KLHL22: variants seen among roughly 807,000 people sequenced by gnomAD.
KLHL22 encodes the protein kelch like family member 22.
In KLHL22, 18 loss-of-function variants were observed where a neutral mutation model predicts 60.7. That is an observed-to-expected ratio of 0.30 (90% confidence interval 0.20 to 0.44). The LOEUF is 0.44. Among genes scored for constraint, KLHL22 ranks in the 20% least tolerant of loss-of-function variants. KLHL22 has a pLI of 1.00. For synonymous variants in KLHL22, 355 were observed against 354.5 expected (o/e 1.00, Z -0.01); for missense variants, 596 against 852.3 (o/e 0.70, Z 3.74).
chr22:20,480,577 C>T (rs965166087), intron 2 of KLHL22, among the ~76,000 whole-genome samples: 15 of 152,140 alleles, frequency 9.9e-5, no homozygotes, highest in South Asian at 2.1e-4. Flanking sequence ...TTCAGGTCCT[C>T]GATCCCTTGT....
In KLHL22 at chr22:20,479,925, A is replaced by G. The variant is rs552579109; in HGVS notation, c.228-8410T>C. On this transcript the variant is annotated intron_variant, in intron 2 of 6. Transcript: ENST00000328879. ...CCATGTTCATAGCAGCATTATACACAATAGACAAGAGATGGAAGCAAACCA... is the reference window on the plus strand; with the variant it reads ...CCATGTTCATAGCAGCATTATACACGATAGACAAGAGATGGAAGCAAACCA... 3.9e-4 allele frequency among the ~76,000 whole-genome samples: 60 copies of G among 152,342 alleles called. 1 individual carries two copies. In the South Asian group the frequency reaches 0.011, roughly 27 times the overall value.
chr22:20,446,745 G>A lies in KLHL22; in HGVS notation c.1306-69C>T. On this transcript the variant is annotated intron_variant, in intron 5 of 6. Transcript: ENST00000328879. ...GAAGGGTGGCTGGGTACTCTGTCAA[G>A]GCCAATCACCACCCCACACCTGCCT... is the stretch of plus-strand genomic sequence containing the variant. The A allele has an allele frequency of 3.3e-6, 4 of 1,213,614 alleles. No individual in the cohort carries two copies. In the South Asian group the frequency reaches 4.9e-5, roughly 15 times the overall value. 75.2% of individuals were successfully genotyped at this position (1,213,614 alleles called of 1,614,324 possible). A position where few individuals can be genotyped will look rare whatever the true frequency, so the allele number is the denominator to read the frequency against.
At chr22:20,484,281 C>T (rs1450682955) in intron 2 of KLHL22, among the ~76,000 whole-genome samples, 1 of 152,126 alleles carries the variant, frequency 6.6e-6, no homozygotes, top group African/African-American at 2.4e-5. Flanking sequence ...GCATGAGCCA[C>T]CGTGCCCAGC....
intron 2 of KLHL22, among the ~76,000 whole-genome samples, chr22:20,476,656 G>A (rs1388185063): frequency 1.6e-4 from 24 of 149,706 alleles, no homozygotes; most frequent in Admixed American, 1.1e-3. Flanking sequence ...CTCATGATCC[G>A]CCCGCCTCGG....
intron 5 of KLHL22, chr22:20,450,953 C>G: frequency 1.2e-6 from 2 of 1,607,856 alleles, no homozygotes; most frequent in South Asian, 2.2e-5. Context: ...CGCCTAGGAG[C>G]CAATGAAGTG....
intron 1 of KLHL22, chr22:20,493,215 A>G (rs1464854346): frequency 2.1e-6 from 1 of 471,332 alleles, no homozygotes; most frequent in East Asian, 6.9e-5. Flanking sequence ...CCCTAAACCC[A>G]TACTGCAAAA....
chr22:20,475,623 G>A (rs866847405), intron 2 of KLHL22, among the ~76,000 whole-genome samples: 2 of 151,024 alleles, frequency 1.3e-5, no homozygotes, highest in Admixed American at 6.6e-5. Flanking sequence ...GTGCAGCAGC[G>A]CGATCTCGGC....
intron 2 of KLHL22, among the ~76,000 whole-genome samples, chr22:20,477,651 G>C (rs1228665889): frequency 6.6e-6 from 1 of 152,220 alleles, no homozygotes; most frequent in Non-Finnish European, 1.5e-5. Context: ...ATCATGAATG[G>C]AGGGAGGAGA....
chr22:20,478,493 G>A (rs1005165538), intron 2 of KLHL22, among the ~76,000 whole-genome samples: 11 of 132,096 alleles, frequency 8.3e-5, no homozygotes, highest in African/African-American at 8.4e-5. Flanking sequence ...CACCAAGCCC[G>A]CCCCAAACTT....
rs1371070666 is a variant in KLHL22, at chr22:20,465,230, G to A, written c.740C>T (p.Pro247Leu). 1.9e-6 allele frequency: 3 copies of A among 1,613,854 alleles called. No homozygotes were observed. Among genetic ancestry groups the A allele is most frequent in the Non-Finnish European group, 2.5e-6 (3 of 1,179,996 alleles). The change falls in exon 4 of 7, where the codon CCG (proline) becomes CTG (leucine). Residue 247 changes from proline to leucine, a missense_variant. Pro to Leu is a moderately conservative substitution (Grantham distance 98). Coordinates refer to ENST00000328879, the MANE Select transcript of KLHL22 (RefSeq NM_032775.4). The surrounding 1 kb of genome is among the most constrained non-coding windows in gnomAD (Gnocchi z 4.9). The part of the protein sequence containing the change: ...PPKLLETVRF[P>L]LMEAEVLQRL... ...CTGCAGGACCTCAGCTTCCATCAGC[G>A]GAAACCGCACTGTCTCAAGGAGCTT...
chr22:20,445,794 G>T (rs2052850337), intron 6 of KLHL22, among the ~76,000 whole-genome samples: 1 of 150,694 alleles, frequency 6.6e-6, no homozygotes, highest in South Asian at 2.1e-4. Flanking sequence ...GACAAGGCCT[G>T]GCTCTGTCGC....
chr22:20,491,566 A>G (rs974260877), intron 1 of KLHL22: 2 of 152,248 alleles, frequency 1.3e-5, no homozygotes, highest in Non-Finnish European at 2.9e-5. Flanking sequence ...ACTGAATACT[A>G]TAGGCAACTG....
intron 3 of KLHL22, among the ~76,000 whole-genome samples, chr22:20,466,101 T>A (rs978688308): frequency 4.6e-5 from 7 of 151,616 alleles, no homozygotes; most frequent in Non-Finnish European, 1.0e-4. Flanking sequence ...CTCGGCCGGG[T>A]GCGGTGGCTC....
At position 20,464,848 on chromosome 22, in the gene KLHL22, C is replaced by T; in HGVS notation, c.1112+10G>A. 4 of 1,484,894 alleles carry T rather than the reference C, an allele frequency of 2.7e-6. No homozygotes were observed. The highest frequency in any genetic ancestry group is 3.6e-6 in the Non-Finnish European group (4 of 1,099,736). 92.0% of individuals were successfully genotyped at this position (1,484,894 alleles called of 1,614,324 possible). A position where few individuals can be genotyped will look rare whatever the true frequency, so the allele number is the denominator to read the frequency against. On this transcript the variant is annotated intron_variant, in intron 4 of 6. Coordinates refer to ENST00000328879, the MANE Select transcript of KLHL22 (RefSeq NM_032775.4). Reference sequence around the variant, plus strand: ...TGAAGACAAAGGGACCAGCTAGCACCCTGTCCTACCTCCAGCATCGGGACT... The same window carrying T: ...TGAAGACAAAGGGACCAGCTAGCACTCTGTCCTACCTCCAGCATCGGGACT...
intron 5 of KLHL22, chr22:20,450,900 G>A (rs1227277968): frequency 6.2e-7 from 1 of 1,612,562 alleles, no homozygotes; most frequent in East Asian, 2.2e-5. Context: ...TTCATCTGAG[G>A]CCTGAACTTC....
rs771727564 is a variant in KLHL22, at chr22:20,465,378, A to T, written c.592T>A (p.Ser198Thr). The T allele has an allele frequency of 6.2e-7, 1 of 1,614,180 alleles. No homozygotes were observed. The highest frequency in any genetic ancestry group is 1.1e-5 in the South Asian group (1 of 91,088). Residue 198 changes from serine (S) to threonine (T), a missense_variant, in exon 4 of 7, where the codon TCC becomes ACC. Coordinates refer to ENST00000328879, the MANE Select transcript of KLHL22 (RefSeq NM_032775.4). The surrounding 1 kb of genome is among the most constrained non-coding windows in gnomAD (Gnocchi z 4.9). The stretch of plus-strand genomic sequence containing the variant: ...TCCAGGCGATTGCTGCTGAGGAGGG[A>T]GTAGACCTTCTCCAATGGAAGCTGG... Reference protein sequence around the residue: ...YRQLPLEKVYSLLSSNRLEVS... With the variant: ...YRQLPLEKVYTLLSSNRLEVS...
intron 2 of KLHL22, among the ~76,000 whole-genome samples, chr22:20,475,564 AT>A (rs947408103): frequency 2.9e-3 from 408 of 141,266 alleles, no homozygotes; most frequent in South Asian, 5.4e-3. Context: ...CCTTCCTCTA[AT>A]TTTTTTTTTT....
intron 2 of KLHL22, chr22:20,484,077 G>T: frequency 1.0e-6 from 1 of 978,040 alleles, no homozygotes; most frequent in Non-Finnish European, 1.6e-6. Flanking sequence ...GTAGTTGGTG[G>T]AGAAGGTAGA....
At chr22:20,462,612 A>C (rs1222640181) in intron 4 of KLHL22, among the ~76,000 whole-genome samples, 1 of 151,152 alleles carries the variant, frequency 6.6e-6, no homozygotes, top group Non-Finnish European at 1.5e-5. Flanking sequence ...CTGCTGCCTC[A>C]GCATCCCAAA....
Sources: gnomAD v4.1 joint callset for allele counts (sites outside exome capture counted in the v4.1 genomes callset) on GRCh38, gnomAD v4.1.1 for gene constraint, Gnocchi (gnomAD v3.1) non-coding constraint, MANE v1.5 for transcripts, NCBI Gene and HGNC (gene_info 2026-07-23, HGNC 2026-07-21) for gene names.